GSAP: variants seen among roughly 807,000 people sequenced by gnomAD.
The protein encoded by GSAP is gamma-secretase activating protein.
In GSAP, 118 loss-of-function variants were observed where a neutral mutation model predicts 131.7. The ratio of observed to expected loss-of-function variants is 0.90; its 90% CI spans 0.77 to 1.04. GSAP has a LOEUF of 1.04. Among genes scored for constraint, GSAP ranks in the 50% least tolerant of loss-of-function variants. The pLI, the probability that GSAP is intolerant of heterozygous loss-of-function variation, is 0.00. For missense variants in GSAP, 1,019 were observed against 1,013.2 expected (o/e 1.01, Z -0.08); for synonymous variants, 381 against 363.4 (o/e 1.05, Z -0.55).
intron 12 of GSAP, among the ~76,000 whole-genome samples, chr7:77,365,898 GTTTTTT>G (rs35007328): frequency 1.3e-4 from 15 of 115,586 alleles, no homozygotes; most frequent in South Asian, 2.7e-4. Flanking sequence ...GCAACTGTGG[GTTTTTT>G]TTTTTTTTTT....
At chr7:77,347,062 G>A (rs1158038866) in intron 19 of GSAP, among the ~76,000 whole-genome samples, 1 of 151,942 alleles carries the variant, frequency 6.6e-6, no homozygotes, top group Non-Finnish European at 1.5e-5. Flanking sequence ...ACTGGGTTGG[G>A]GAAGTTTCCC....
chr7:77,376,731 C>G (rs1455787804), intron 10 of GSAP, 117 bp downstream of exon 10: 2 of 581,688 alleles, frequency 3.4e-6, no homozygotes, highest in African/African-American at 2.1e-5. Context: ...GAGCCGAGAT[C>G]GCGCCACTGC....
intron 9 of GSAP, 28 bp downstream of exon 9, chr7:77,377,258 A>AAAAAAAAAAAAAAAAAAG: frequency 8.6e-6 from 12 of 1,400,714 alleles, no homozygotes; most frequent in African/African-American, 1.5e-5. Context: ...AAAAAAAAAA[A>AAAAAAAAAAAAAAAAAAG]GGAGTGCCCG....
chr7:77,365,365 T>C (rs1204891608), intron 12 of GSAP, among the ~76,000 whole-genome samples: 1 of 152,156 alleles, frequency 6.6e-6, no homozygotes, highest in Non-Finnish European at 1.5e-5. Flanking sequence ...TAGTTACTTT[T>C]TCTGCTCCGC....
chr7:77,359,207 A>G (rs2150901772), intron 14 of GSAP, among the ~76,000 whole-genome samples: 2 of 152,202 alleles, frequency 1.3e-5, no homozygotes, highest in East Asian at 3.9e-4. Flanking sequence ...TCTCAAAAAA[A>G]AAAAGAAACT....
rs1794753362 is a variant in GSAP at position 77,314,456 on chromosome 7, T to C, written c.2123A>G (p.Gln708Arg). ...FHTLHTILGV[Q>R]CLPLHNLLHC... ...CAGCAGGTTATGCAAAGGGAGACAC[T>C]GGACCCCGAGGATGGTGTGCAGAGT... The change falls in exon 27 of 31, where the codon CAG becomes CGG. Residue 708 changes from glutamine (Q) to arginine (R), a missense_variant. Transcript: ENST00000257626. 6 of 1,613,824 alleles carry C rather than the reference T, an allele frequency of 3.7e-6. No homozygotes were observed. The highest frequency in any genetic ancestry group is 5.1e-6 in the Non-Finnish European group (6 of 1,179,812).
chr7:77,352,893 A>C lies in GSAP; in HGVS notation c.1491+51T>G, dbSNP rs778753084. 6.0e-5 allele frequency: 64 copies of C among 1,070,716 alleles called. No individual in the cohort carries two copies. The Admixed American group carries it at 1.1e-3, about 18-fold the overall frequency. 66.3% of individuals were successfully genotyped at this position (1,070,716 alleles called of 1,614,324 possible). A position where few individuals can be genotyped will look rare whatever the true frequency, so the allele number is the denominator to read the frequency against. ...AAGAGAGGTGTCCAACAACTGACCC[A>C]CAACTGTGAATTGATTTTATTTGCA... is the stretch of plus-strand genomic sequence containing the variant. On this transcript the variant is annotated intron_variant, in intron 18 of 30. Coordinates refer to ENST00000257626, the MANE Select transcript of GSAP (RefSeq NM_017439.4).
Position 77,402,593 on chromosome 7 carries a change from C to CAA in GSAP, c.243+1964_243+1965dup, listed in dbSNP as rs56739649. ...CTGGCAATAGAGTGAGACTCTGTCT[C>CAA]AAAAAAAAAAAAAAAAAAAAAAAGA... On this transcript the variant is annotated intron_variant, in intron 3 of 30. Coordinates refer to ENST00000257626, the MANE Select transcript of GSAP (RefSeq NM_017439.4). Among the ~76,000 whole-genome samples, 70 of 24,730 alleles carry CAA rather than the reference C, an allele frequency of 2.8e-3. 2 individuals carry two copies. Among genetic ancestry groups the CAA allele is most frequent in the East Asian group, 5.4e-3 (5 of 928 alleles). 16.2% of individuals were successfully genotyped at this position (24,730 alleles called of 152,430 possible).
intron 5 of GSAP, among the ~76,000 whole-genome samples, chr7:77,388,900 T>C (rs1431404060): frequency 6.6e-6 from 1 of 152,202 alleles, no homozygotes; most frequent in Non-Finnish European, 1.5e-5. Flanking sequence ...TCATATAATA[T>C]ACATACTACA....
At chr7:77,415,016 C>T (rs1804089258) in intron 1 of GSAP, among the ~76,000 whole-genome samples, 2 of 151,872 alleles carry the variant, frequency 1.3e-5, no homozygotes, top group South Asian at 4.2e-4. Flanking sequence ...TGTCACCACG[C>T]CCAGCTAATT....
chr7:77,397,073 C>T, intron 4 of GSAP, 38 bp from the exon 5 acceptor site: 1 of 1,348,246 alleles, frequency 7.4e-7, no homozygotes, highest in Non-Finnish European at 1.1e-6. Flanking sequence ...AGCAATTGAT[C>T]CATATGGTAG....
At chr7:77,320,932 G>A in intron 25 of GSAP, 113 bp from the exon 26 acceptor site, 1 of 687,834 alleles carries the variant, frequency 1.5e-6, no homozygotes, top group Non-Finnish European at 2.6e-6. Context: ...ATCATGAAAT[G>A]CTATGCCTTG....
rs978518353 is a variant in GSAP at position 77,375,040 on chromosome 7, A to C, written c.785+18T>G. The C allele has an allele frequency of 8.0e-7, 1 of 1,255,762 alleles. No individual in the cohort carries two copies. Among genetic ancestry groups the C allele is most frequent in the Non-Finnish European group, 1.2e-6 (1 of 867,082 alleles). The allele number at this position is 1,255,762 out of a possible 1,614,324, so 77.8% of individuals were successfully genotyped here. On this transcript the variant is annotated intron_variant, in intron 11 of 30. Coordinates refer to ENST00000257626, the MANE Select transcript of GSAP (RefSeq NM_017439.4). ...ACAAGTATCTATAAAAATTAGTAAC[A>C]ACCTATGAATAACTTACTTAAATCC...
intron 12 of GSAP, among the ~76,000 whole-genome samples, chr7:77,363,930 T>C (rs1794899593): frequency 6.6e-6 from 1 of 152,148 alleles, no homozygotes. Context: ...TTATAAGAGT[T>C]ACAAAAGTCT....
intron 23 of GSAP, among the ~76,000 whole-genome samples, chr7:77,324,962 C>T (rs987637404): frequency 7.3e-5 from 11 of 151,522 alleles, no homozygotes; most frequent in African/African-American, 2.4e-4. Context: ...ATTACAGGCA[C>T]GTGCTACCAC....
chr7:77,324,510 C>T (rs1788063960), intron 23 of GSAP, among the ~76,000 whole-genome samples: 2 of 152,200 alleles, frequency 1.3e-5, no homozygotes, highest in Admixed American at 1.3e-4. Flanking sequence ...CACCCATGCA[C>T]ACATCTTCTA....
At chr7:77,375,806 T>C (rs1796758568) in intron 10 of GSAP, among the ~76,000 whole-genome samples, 1 of 149,638 alleles carries the variant, frequency 6.7e-6, no homozygotes, top group African/African-American at 2.5e-5. Flanking sequence ...ATCATGCCAC[T>C]GCACTCCAGC....
chr7:77,379,272 C>G (rs1797441186), intron 8 of GSAP, among the ~76,000 whole-genome samples: 1 of 151,806 alleles, frequency 6.6e-6, no homozygotes, highest in Admixed American at 6.6e-5. Context: ...CTCTGTGAGT[C>G]TTGGTTGCTG....
At chr7:77,330,070 A>C in intron 20 of GSAP, 169 bp downstream of exon 20, 1 of 693,216 alleles carries the variant, frequency 1.4e-6, no homozygotes, top group Non-Finnish European at 2.2e-6. Flanking sequence ...AGGAGAACAG[A>C]GATCATAGAA....
Sources: allele counts gnomAD v4.1 joint callset (sites outside exome capture counted in the v4.1 genomes callset), GRCh38; gene constraint gnomAD v4.1.1; transcripts MANE v1.5; gene names NCBI Gene and HGNC (gene_info 2026-07-23, HGNC 2026-07-21).